PTBP3: variants seen among roughly 807,000 people sequenced by gnomAD.
PTBP3 encodes the protein polypyrimidine tract-binding protein 3.
Under a neutral mutation model 58.7 loss-of-function variants are expected in PTBP3, and 20 were observed. The observed-to-expected ratio is 0.34, with a 90% CI of 0.24 to 0.50. The LOEUF is 0.50. PTBP3 is among the 20% of genes least tolerant of loss of function. PTBP3 has a pLI of 0.98. For missense variants in PTBP3, 509 were observed against 637.2 expected (o/e 0.80, Z 2.17); for synonymous variants, 185 against 219.8 (o/e 0.84, Z 1.40).
At chr9:112,360,571 T>C in the PTBP3 span, among the ~76,000 whole-genome samples, 1 of 152,206 alleles carries the variant, frequency 6.6e-6, no homozygotes, top group East Asian at 1.9e-4. Context: ...TGTGGGACTC[T>C]CTCAAAGCCA....
intron 7 of PTBP3, among the ~76,000 whole-genome samples, chr9:112,236,294 G>GT (rs1211397702): frequency 2.6e-5 from 4 of 152,180 alleles, no homozygotes; most frequent in Non-Finnish European, 4.4e-5. Context: ...AACTGATGAA[G>GT]TAAGAAGGGA....
chr9:112,256,405 C>G (rs572995147), intron 5 of PTBP3, among the ~76,000 whole-genome samples: 92 of 150,810 alleles, frequency 6.1e-4, no homozygotes, highest in South Asian at 2.3e-3. Context: ...AGGAATATAC[C>G]TTGTCTTAAT....
intron 7 of PTBP3, among the ~76,000 whole-genome samples, chr9:112,250,538 C>T (rs904432036): frequency 6.6e-6 from 1 of 152,038 alleles, no homozygotes; most frequent in Non-Finnish European, 1.5e-5. Context: ...TTAATTTAAG[C>T]TTGATATAAA....
the PTBP3 span, among the ~76,000 whole-genome samples, chr9:112,365,552 T>C: frequency 2.0e-5 from 3 of 152,186 alleles, no homozygotes; most frequent in African/African-American, 7.2e-5. Flanking sequence ...ACCCCTTTCT[T>C]TTGTAAATTG....
Position 112,222,173 on chromosome 9 carries a change from C to CA in PTBP3, c.*1677dup. On this transcript the variant is annotated 3_prime_UTR_variant, in exon 14 of 14. Coordinates refer to ENST00000374257, the MANE Select transcript of PTBP3 (RefSeq NM_001163788.4). The stretch of plus-strand genomic sequence containing the variant: ...ATCTGAAAAGTGTAAAAGGGGTAGA[C>CA]AAAAAAATGACCCTTTTGACAAATT... The CA allele has an allele frequency of 2.0e-6, 2 of 985,252 alleles. No individual in the cohort carries two copies. Among genetic ancestry groups the CA allele is most frequent in the East Asian group, 1.1e-4 (1 of 8,812 alleles). 61.0% of individuals were successfully genotyped at this position (985,252 alleles called of 1,614,324 possible). A position where few individuals can be genotyped will look rare whatever the true frequency, so the allele number is the denominator to read the frequency against.
chr9:112,279,577 C>T (rs1172833391), intron 2 of PTBP3, among the ~76,000 whole-genome samples: 1 of 152,052 alleles, frequency 6.6e-6, no homozygotes, highest in Non-Finnish European at 1.5e-5. Context: ...TCCATATAAC[C>T]ACCACAAAAA....
At chr9:112,229,383 G>C (rs1164390119) in intron 10 of PTBP3, among the ~76,000 whole-genome samples, 2 of 151,814 alleles carry the variant, frequency 1.3e-5, no homozygotes, top group Non-Finnish European at 2.9e-5. Flanking sequence ...GGCCAACATG[G>C]GGAAACCCCG....
chr9:112,370,698 T>C, the PTBP3 span, among the ~76,000 whole-genome samples: 1 of 152,222 alleles, frequency 6.6e-6, no homozygotes, highest in Non-Finnish European at 1.5e-5. Context: ...AGGGATTGTA[T>C]TGAATTTGTA....
chr9:112,311,730 A>T (rs1402345827), intron 1 of PTBP3, among the ~76,000 whole-genome samples: 1 of 152,170 alleles, frequency 6.6e-6, no homozygotes. Flanking sequence ...AGGATAGCTT[A>T]AGGCCAGGAG....
chr9:112,311,484 G>A (rs1013096483), intron 1 of PTBP3, among the ~76,000 whole-genome samples: 1 of 152,148 alleles, frequency 6.6e-6, no homozygotes, highest in Non-Finnish European at 1.5e-5. Flanking sequence ...TGAACTGCCC[G>A]AGTCCAAATG....
chr9:112,275,473 T>C (rs964324717), intron 3 of PTBP3, among the ~76,000 whole-genome samples: 1 of 152,316 alleles, frequency 6.6e-6, no homozygotes, highest in African/African-American at 2.4e-5. Flanking sequence ...TTTGAAAACT[T>C]AACTGTTCTT....
chr9:112,353,189 C>T, the PTBP3 span, among the ~76,000 whole-genome samples: 4 of 151,994 alleles, frequency 2.6e-5, no homozygotes, highest in Admixed American at 6.6e-5. Context: ...GCGTGAGCCA[C>T]GGCGCCCAGC....
At position 112,223,991 on chromosome 9, in the gene PTBP3, T is replaced by C; in HGVS notation, c.1443-8A>G. On this transcript the variant is annotated splice_region_variant and splice_polypyrimidine_tract_variant and intron_variant, in intron 13 of 13. Coordinates refer to ENST00000374257, the MANE Select transcript of PTBP3 (RefSeq NM_001163788.4). ...GCCATTTTGCGATCTTTCCTGAAAATGGTATAAGAAATACAGAAAGTATTT... is the reference window on the plus strand; with the variant it reads ...GCCATTTTGCGATCTTTCCTGAAAACGGTATAAGAAATACAGAAAGTATTT... 6.2e-7 allele frequency: 1 copy of C among 1,609,734 alleles called. No homozygotes were observed. Among genetic ancestry groups the C allele is most frequent in the Non-Finnish European group, 8.5e-7 (1 of 1,177,800 alleles).
intron 1 of PTBP3, among the ~76,000 whole-genome samples, chr9:112,325,578 T>C (rs183501880): frequency 1.8e-3 from 252 of 139,628 alleles, no homozygotes; most frequent in Middle Eastern, 3.6e-3. Context: ...TATATTCACA[T>C]AGTGGAATTC....
At chr9:112,327,812 A>AT (rs2132477213) in intron 1 of PTBP3, among the ~76,000 whole-genome samples, 1 of 151,708 alleles carries the variant, frequency 6.6e-6, no homozygotes, top group South Asian at 2.1e-4. Flanking sequence ...AAAAAAAAAA[A>AT]CACTAGCAAA....
chr9:112,287,339 TTG>T (rs1491008645), intron 2 of PTBP3, among the ~76,000 whole-genome samples: 3 of 135,624 alleles, frequency 2.2e-5, no homozygotes, highest in East Asian at 2.2e-4. Flanking sequence ...TTTCAGTTTT[TTG>T]TTTTTTTTTT....
intron 1 of PTBP3, among the ~76,000 whole-genome samples, chr9:112,332,577 C>T (rs1830418357): frequency 6.6e-6 from 1 of 152,028 alleles, no homozygotes; most frequent in African/African-American, 2.4e-5. Context: ...ACAGATACTA[C>T]AACCTTCAAT....
the PTBP3 span, among the ~76,000 whole-genome samples, chr9:112,367,854 C>G: frequency 4.1e-4 from 62 of 152,148 alleles, no homozygotes; most frequent in African/African-American, 1.4e-3. Flanking sequence ...GGGGAGTTTT[C>G]TGTCATTGTT....
chr9:112,309,891 GGTTTT>G (rs1227604129), intron 1 of PTBP3, among the ~76,000 whole-genome samples: 6 of 152,160 alleles, frequency 3.9e-5, no homozygotes, highest in African/African-American at 9.7e-5. Flanking sequence ...AAACTCCAAG[GGTTTT>G]GTTTTGTTTT....
Sources: allele counts gnomAD v4.1 joint callset (sites outside exome capture counted in the v4.1 genomes callset), GRCh38; gene constraint gnomAD v4.1.1; transcripts MANE v1.5; gene names NCBI Gene and HGNC (gene_info 2026-07-23, HGNC 2026-07-21).